Variants in CERS6 observed in about 807,000 individuals in gnomAD.
CERS6 encodes ceramide synthase 6.
CERS6 carries 26 observed loss-of-function variants against 56.8 expected under a neutral mutation model. That is an observed-to-expected ratio of 0.46 (90% CI 0.34 to 0.63). The LOEUF (loss-of-function observed/expected upper bound fraction) is 0.63, where lower values mean the gene tolerates loss of function less well. Among genes scored for constraint, CERS6 ranks in the 30% least tolerant of loss-of-function variants. CERS6 has a pLI of 0.01. For missense variants in CERS6, 415 were observed against 467.5 expected (o/e 0.89, Z 1.04); for synonymous variants, 164 against 173.3 (o/e 0.95, Z 0.42).
intron 6 of CERS6, among the ~76,000 whole-genome samples, chr2:168,704,186 C>G (rs892653989): frequency 6.6e-6 from 1 of 152,174 alleles, no homozygotes; most frequent in Non-Finnish European, 1.5e-5. Flanking sequence ...AGCCCTGGTT[C>G]TCATAGACTC....
chr2:168,558,721 T>C (rs545811616), intron 2 of CERS6, among the ~76,000 whole-genome samples: 2 of 152,104 alleles, frequency 1.3e-5, no homozygotes, highest in Non-Finnish European at 2.9e-5. Flanking sequence ...TACAAAAAAT[T>C]AGCAGGGTGT....
At chr2:168,696,049 G>T (rs897490509) in intron 6 of CERS6, among the ~76,000 whole-genome samples, 1 of 152,096 alleles carries the variant, frequency 6.6e-6, no homozygotes, top group Non-Finnish European at 1.5e-5. Context: ...CAAACATTCC[G>T]AAATCCAAGG....
At chr2:168,594,848 C>T (rs78833299) in intron 3 of CERS6, among the ~76,000 whole-genome samples, 454 of 152,286 alleles carry the variant, frequency 3.0e-3, no homozygotes, top group African/African-American at 0.01. Context: ...TTATTCTCTA[C>T]TTGTTTCATG....
intron 3 of CERS6, among the ~76,000 whole-genome samples, chr2:168,610,829 T>A (rs77551711): frequency 0.017 from 2,600 of 152,194 alleles, 103 homozygotes; most frequent in East Asian, 0.16. Context: ...ATTTTTTGAG[T>A]CAGAGTCTTG....
At position 168,735,313 on chromosome 2, in the gene CERS6, G is replaced by A. The variant is rs531916801; in HGVS notation, c.845+17335G>A. Among the ~76,000 whole-genome samples the A allele has an allele frequency of 2.6e-5, 4 of 151,774 alleles. No homozygotes were observed. The South Asian group carries it at 8.4e-4, about 32-fold the overall frequency. On this transcript the variant is annotated intron_variant, in intron 8 of 9. Transcript: ENST00000305747. Reference sequence around the variant, plus strand: ...CTGCAAAAAAAAAAAAAGTTAATAAGCAACTGATCAATTAAGGTTAATGGT... The same window carrying A: ...CTGCAAAAAAAAAAAAAGTTAATAAACAACTGATCAATTAAGGTTAATGGT...
chr2:168,693,174 G>A (rs1443121387), intron 5 of CERS6, among the ~76,000 whole-genome samples: 1 of 152,088 alleles, frequency 6.6e-6, no homozygotes, highest in African/African-American at 2.4e-5. Flanking sequence ...TGGTCATGGG[G>A]CCTCACTAGC....
intron 8 of CERS6, among the ~76,000 whole-genome samples, chr2:168,757,193 G>C (rs1393228613): frequency 6.6e-6 from 1 of 152,072 alleles, no homozygotes; most frequent in Non-Finnish European, 1.5e-5. Context: ...TAACTAGAGG[G>C]CTGAAAACAA....
chr2:168,732,854 C>A (rs1574201776), intron 8 of CERS6, among the ~76,000 whole-genome samples: 1 of 151,686 alleles, frequency 6.6e-6, no homozygotes, highest in African/African-American at 2.4e-5. Flanking sequence ...TTATTTTTAT[C>A]TTCTGGCCTG....
intron 9 of CERS6, among the ~76,000 whole-genome samples, chr2:168,768,141 C>T (rs534080892): frequency 6.6e-6 from 1 of 152,204 alleles, no homozygotes; most frequent in Non-Finnish European, 1.5e-5. Context: ...TACATCTTCT[C>T]ACCTTATTTT....
At chr2:168,505,189 G>A (rs1694653579) in intron 1 of CERS6, among the ~76,000 whole-genome samples, 1 of 151,664 alleles carries the variant, frequency 6.6e-6, no homozygotes, top group African/African-American at 2.4e-5. Flanking sequence ...AGAAGCCTGG[G>A]CAACATGGCA....
chr2:168,645,108 AAAAAAAAAATATAT>A (rs1685147160), intron 4 of CERS6, among the ~76,000 whole-genome samples: 2 of 67,534 alleles, frequency 3.0e-5, no homozygotes, highest in Admixed American at 3.8e-4. Flanking sequence ...AAAAAAAAAA[AAAAAAAAAATATAT>A]ATATATATAT....
rs1003036169 is a variant in CERS6 at position 168,766,478 on chromosome 2, G to A, written c.1002+730G>A. On this transcript the variant is annotated intron_variant, in intron 9 of 9. Transcript: ENST00000305747. ...GGCACTGTCTAGAGGCTTCATGTGA[G>A]CTGTAGCTCTGTGAACTGCAAGAGA... 37 of 805,452 alleles carry A rather than the reference G, an allele frequency of 4.6e-5. 1 individual carries two copies. The African/African-American group carries it at 6.0e-4, about 13-fold the overall frequency. The allele number at this position is 805,452 out of a possible 1,614,324, so 49.9% of individuals were successfully genotyped here. A position where few individuals can be genotyped will look rare whatever the true frequency, so the allele number is the denominator to read the frequency against.
chr2:168,493,655 A>G (rs975502467), intron 1 of CERS6, among the ~76,000 whole-genome samples: 1 of 152,138 alleles, frequency 6.6e-6, no homozygotes, highest in East Asian at 1.9e-4. Context: ...ATAGGAATCA[A>G]TTTTAGCTGA....
chr2:168,502,898 T>C (rs970580056), intron 1 of CERS6, among the ~76,000 whole-genome samples: 1 of 152,168 alleles, frequency 6.6e-6, no homozygotes, highest in Non-Finnish European at 1.5e-5. Context: ...AAAATCTGGA[T>C]TGGATAAGGG....
At chr2:168,486,346 A>G (rs1200092168) in intron 1 of CERS6, among the ~76,000 whole-genome samples, 1 of 151,764 alleles carries the variant, frequency 6.6e-6, no homozygotes, top group Non-Finnish European at 1.5e-5. Flanking sequence ...CAGCTTACTG[A>G]TTTTTTTCTT....
At chr2:168,723,141 C>T (rs1379820013) in intron 8 of CERS6, among the ~76,000 whole-genome samples, 1 of 152,204 alleles carries the variant, frequency 6.6e-6, no homozygotes, top group African/African-American at 2.4e-5. Context: ...TTCTTGTTCA[C>T]AGTCTTTCCA....
rs1687193384 is a variant in CERS6, at chr2:168,715,048, T to C, written c.657T>C (p.Ile219=). The C allele has an allele frequency of 6.2e-7, 1 of 1,611,474 alleles. No individual in the cohort carries two copies. The highest frequency in any genetic ancestry group is 1.7e-5 in the Admixed American group (1 of 59,712). Residue 219 remains isoleucine (I), a synonymous_variant, in exon 7 of 10, where the codon ATT becomes ATC. Coordinates refer to ENST00000305747, the MANE Select transcript of CERS6 (RefSeq NM_203463.3). ...FLHHLVSIFL[I]TFSYVNNMAR... ...ACCACCTTGTATCTATTTTCTTGAT[T>C]ACCTTTTCATATGTCAACAATATGG...
intron 8 of CERS6, among the ~76,000 whole-genome samples, chr2:168,761,809 C>G (rs925906481): frequency 3.3e-4 from 50 of 152,212 alleles, no homozygotes; most frequent in African/African-American, 1.2e-3. Flanking sequence ...ATAACTGCTT[C>G]TTCGGATAAT....
At chr2:168,707,132 A>G (rs779812920) in intron 6 of CERS6, among the ~76,000 whole-genome samples, 5 of 152,228 alleles carry the variant, frequency 3.3e-5, no homozygotes, top group Admixed American at 2.0e-4. Flanking sequence ...ATCAGTATAC[A>G]TTTTAAAAAC....
Sources: gnomAD v4.1 joint callset for allele counts (sites outside exome capture counted in the v4.1 genomes callset) on GRCh38, gnomAD v4.1.1 for gene constraint, MANE v1.5 for transcripts, NCBI Gene and HGNC (gene_info 2026-07-23, HGNC 2026-07-21) for gene names.